The following RPGRIP1L variants were observed in gnomAD, a reference collection of about 807,000 sequenced individuals.
RPGRIP1L encodes the protein protein fantom.
A neutral mutation model predicts 160.4 loss-of-function variants in RPGRIP1L; 131 were observed. The observed-to-expected ratio is 0.82, with a 90% CI of 0.71 to 0.94. The LOEUF is 0.94. RPGRIP1L is among the 40% of genes least tolerant of loss of function. The probability of loss-of-function intolerance (pLI) is 0.00; values close to 1 mark genes in which losing one functional copy is unlikely to be tolerated. For synonymous variants in RPGRIP1L, 510 were observed against 515.8 expected (o/e 0.99, Z 0.15); for missense variants, 1,522 against 1,535.8 (o/e 0.99, Z 0.15).
chr16:53,640,894 C>T (rs1013017677), intron 19 of RPGRIP1L, 139 bp downstream of exon 19: 3 of 739,110 alleles, frequency 4.1e-6, no homozygotes, highest in Non-Finnish European at 7.0e-6. Context: ...TGCCGAAACA[C>T]AAAGCAATCA....
intron 2 of RPGRIP1L, among the ~76,000 whole-genome samples, chr16:53,698,856 C>T (rs983931594): frequency 1.0e-3 from 155 of 152,188 alleles, no homozygotes; most frequent in African/African-American, 3.5e-3. Flanking sequence ...GTGAGGACCC[C>T]TCTGCCCAGC....
At chr16:53,650,228 T>C (rs987347169) in intron 15 of RPGRIP1L, among the ~76,000 whole-genome samples, 1 of 152,218 alleles carries the variant, frequency 6.6e-6, no homozygotes, top group Non-Finnish European at 1.5e-5. Context: ...CAGGCCGAGA[T>C]TGACCCCTTC....
At chr16:53,627,263 C>A (rs1311846274) in intron 22 of RPGRIP1L, among the ~76,000 whole-genome samples, 1 of 152,174 alleles carries the variant, frequency 6.6e-6, no homozygotes, top group Non-Finnish European at 1.5e-5. Context: ...AAAGGTCTTG[C>A]AACTTGTTTC....
intron 10 of RPGRIP1L, chr16:53,659,214 C>A (rs1426785277): frequency 1.0e-6 from 1 of 969,920 alleles, no homozygotes; most frequent in Admixed American, 5.5e-5. Context: ...TTTTTACTTA[C>A]TTATTAAGGC....
chr16:53,637,166 T>C (rs1965894042), intron 21 of RPGRIP1L, among the ~76,000 whole-genome samples: 1 of 152,112 alleles, frequency 6.6e-6, no homozygotes, highest in African/African-American at 2.4e-5. Context: ...CTGGCTAAAA[T>C]TAGATGTTTT....
At chr16:53,624,144 G>A (rs1333043645) in intron 22 of RPGRIP1L, among the ~76,000 whole-genome samples, 2 of 152,126 alleles carry the variant, frequency 1.3e-5, no homozygotes, top group Non-Finnish European at 1.5e-5. Context: ...CTCCCACCTC[G>A]ACCTCTCAAA....
intron 6 of RPGRIP1L, among the ~76,000 whole-genome samples, chr16:53,675,906 A>G (rs1310892902): frequency 6.6e-6 from 1 of 152,172 alleles, no homozygotes; most frequent in Admixed American, 6.5e-5. Flanking sequence ...TTGACAGAGA[A>G]AAGTTCCTTA....
Position 53,696,192 on chromosome 16 carries a change from TA to T in RPGRIP1L, c.188del (p.Leu63TyrfsTer20). On this transcript the variant is annotated frameshift_variant, in exon 3 of 27. Coordinates refer to ENST00000647211, the MANE Select transcript of RPGRIP1L (RefSeq NM_015272.5). LOFTEE classifies it high-confidence loss of function. Reference sequence around the variant, plus strand: ...CCTGCTTGCGGGCATGCTGTTTAAGTAAAATGTTCTCATCATGCAAACGCAA... The same window carrying T: ...CCTGCTTGCGGGCATGCTGTTTAAGTAAATGTTCTCATCATGCAAACGCAA... ...RFLRLHDENI[L>X]LKQHARKQED... 6.2e-7 allele frequency: 1 copy of T among 1,614,032 alleles called. No homozygotes were observed. The highest frequency in any genetic ancestry group is 1.1e-5 in the South Asian group (1 of 91,076).
chr16:53,621,430 AT>A (rs10710732), intron 23 of RPGRIP1L, among the ~76,000 whole-genome samples: 16,445 of 134,958 alleles, frequency 0.12, 922 homozygotes, highest in East Asian at 0.31. Context: ...TTTCTGGTCA[AT>A]TTTTTTTTTT....
At chr16:53,616,964 T>TG (rs1445617897) in intron 24 of RPGRIP1L, among the ~76,000 whole-genome samples, 2 of 147,308 alleles carry the variant, frequency 1.4e-5, no homozygotes, top group Non-Finnish European at 3.0e-5. Flanking sequence ...CCCAGCTACT[T>TG]GGGGGGCTGA....
chr16:53,619,317 GCTT>G (rs1964570865), intron 23 of RPGRIP1L, 109 bp from the exon 24 acceptor site: 2 of 947,360 alleles, frequency 2.1e-6, no homozygotes, highest in East Asian at 2.5e-5. Context: ...AGGCCAATGG[GCTT>G]CTTTTCTTGA....
intron 14 of RPGRIP1L, among the ~76,000 whole-genome samples, chr16:53,655,942 G>A (rs1187464415): frequency 6.6e-6 from 1 of 152,174 alleles, no homozygotes; most frequent in Admixed American, 6.5e-5. Context: ...GGAGGTTTAG[G>A]CAGAGCAAAC....
chr16:53,667,052 A>G (rs959491189), intron 9 of RPGRIP1L, among the ~76,000 whole-genome samples: 1 of 152,212 alleles, frequency 6.6e-6, no homozygotes, highest in Non-Finnish European at 1.5e-5. Context: ...GGCTGTACAC[A>G]TGATTAAATC....
intron 16 of RPGRIP1L, among the ~76,000 whole-genome samples, chr16:53,647,906 C>T (rs1278152277): frequency 1.3e-5 from 2 of 151,864 alleles, no homozygotes; most frequent in Non-Finnish European, 2.9e-5. Context: ...GAGATCAAGA[C>T]CATCCTGCCT....
intron 17 of RPGRIP1L, 98 bp downstream of exon 17, chr16:53,645,527 G>T (rs991955032): frequency 4.4e-6 from 5 of 1,144,482 alleles, no homozygotes; most frequent in Non-Finnish European, 6.2e-6. Flanking sequence ...ACTGAGAAGA[G>T]GTTAGGGTGA....
At chr16:53,656,412 C>T (rs1967258589) in intron 14 of RPGRIP1L, 60 bp downstream of exon 14, 3 of 1,057,452 alleles carry the variant, frequency 2.8e-6, no homozygotes, top group East Asian at 4.7e-5. Flanking sequence ...ATGACATTAT[C>T]AACTGTTATA....
At chr16:53,688,577 A>G (rs987054845) in intron 4 of RPGRIP1L, among the ~76,000 whole-genome samples, 1 of 152,052 alleles carries the variant, frequency 6.6e-6, no homozygotes, top group Non-Finnish European at 1.5e-5. Context: ...CCATTGTTTA[A>G]AATAAGGCAT....
At chr16:53,688,051 T>A in intron 4 of RPGRIP1L, 86 bp from the exon 5 acceptor site, 1 of 828,390 alleles carries the variant, frequency 1.2e-6, no homozygotes, top group Non-Finnish European at 2.0e-6. Context: ...ATATTTATAA[T>A]AAAATCTCTT....
Position 53,645,931 on chromosome 16 carries a change from G to T in RPGRIP1L, c.2377C>A (p.His793Asn). 1 of 1,614,104 alleles carries T rather than the reference G, an allele frequency of 6.2e-7. No homozygotes were observed. Among genetic ancestry groups the T allele is most frequent in the Non-Finnish European group, 8.5e-7 (1 of 1,179,990 alleles). ...DSTDGNLNEL[H>N]ITIRCCNHLQ... ...TGGTTGCAACATCTTATTGTAATGT[G>T]AAGTTCATTTAAGTTGCCATCTGTG... Residue 793 changes from histidine (H) to asparagine (N), a missense_variant, in exon 17 of 27, where the codon CAC (histidine) becomes AAC (asparagine). Transcript: ENST00000647211.
Sources: allele counts gnomAD v4.1 joint callset (sites outside exome capture counted in the v4.1 genomes callset), GRCh38; gene constraint gnomAD v4.1.1; transcripts MANE v1.5; gene names NCBI Gene and HGNC (gene_info 2026-07-23, HGNC 2026-07-21).